Variants in CDH13 observed in about 807,000 individuals in gnomAD.
The protein encoded by CDH13 is cadherin-13.
CDH13 carries 24 observed loss-of-function variants against 63.8 expected under a neutral mutation model. That is an observed-to-expected ratio of 0.38 (90% CI 0.27 to 0.53). The LOEUF (loss-of-function observed/expected upper bound fraction) is 0.53. Among genes scored for constraint, CDH13 ranks in the 20% least tolerant of loss-of-function variants. CDH13 has a pLI of 0.85. For synonymous variants in CDH13, 503 were observed against 355.3 expected (o/e 1.42, Z -4.67); for missense variants, 1,049 against 903.1 (o/e 1.16, Z -2.07).
intron 5 of CDH13, among the ~76,000 whole-genome samples, chr16:83,249,935 T>G (rs1045941596): frequency 7.9e-5 from 12 of 152,212 alleles, no homozygotes; most frequent in African/African-American, 2.9e-4. Flanking sequence ...TTAAATTCTT[T>G]CTACAAATGT....
rs532615053 is a variant in CDH13 at position 83,210,690 on chromosome 16, C to G, written c.484-6655C>G. Among the ~76,000 whole-genome samples the G allele has an allele frequency of 2.0e-5, 3 of 151,956 alleles. No individual in the cohort carries two copies. The South Asian group carries it at 6.2e-4, about 32-fold the overall frequency. ...TGCAGAACTTGGCAACTCTGTCATT[C>G]TGATACTTCAAATTCATTTTCTATA... On this transcript the variant is annotated intron_variant, in intron 4 of 13. Coordinates refer to ENST00000567109, the MANE Select transcript of CDH13 (RefSeq NM_001257.5).
chr16:83,215,058 G>A (rs561399447), intron 4 of CDH13, among the ~76,000 whole-genome samples: 1 of 115,384 alleles, frequency 8.7e-6, no homozygotes, highest in South Asian at 3.3e-4. Flanking sequence ...TTTCATCAGA[G>A]AGTATCAAAC....
chr16:83,742,219 G>C (rs1293548245), intron 10 of CDH13, among the ~76,000 whole-genome samples: 1 of 152,146 alleles, frequency 6.6e-6, no homozygotes, highest in Non-Finnish European at 1.5e-5. Context: ...TCCCTGCTCT[G>C]AGGGGGCCCT....
intron 6 of CDH13, chr16:83,397,532 A>C (rs974420096): frequency 6.6e-6 from 1 of 152,268 alleles, no homozygotes; most frequent in Non-Finnish European, 1.5e-5. Flanking sequence ...AGAAAGACGC[A>C]TTATTCACTG....
chr16:83,515,545 C>A (rs2074680649), intron 7 of CDH13, among the ~76,000 whole-genome samples: 1 of 152,158 alleles, frequency 6.6e-6, no homozygotes, highest in Non-Finnish European at 1.5e-5. Context: ...GAAAAAGATA[C>A]TGGTTTAGAT....
At chr16:83,102,911 C>CTTTTTTTTTCTTTTT (rs1211949695) in intron 3 of CDH13, among the ~76,000 whole-genome samples, 3 of 96,594 alleles carry the variant, frequency 3.1e-5, no homozygotes, top group Admixed American at 1.0e-4. Flanking sequence ...ATTAAACTTT[C>CTTTTTTTTTCTTTTT]TTTTTTTTTT....
At chr16:82,639,356 C>G in intron 1 of CDH13, 3 of 1,533,286 alleles carry the variant, frequency 2.0e-6, no homozygotes, top group Non-Finnish European at 2.6e-6. Context: ...TTGCTTTTGA[C>G]CAGGGCCAAA....
intron 6 of CDH13, among the ~76,000 whole-genome samples, chr16:83,403,907 G>C (rs2092005325): frequency 6.6e-6 from 1 of 152,116 alleles, no homozygotes. Flanking sequence ...GAAATGTTCG[G>C]GCATGACTAC....
At chr16:83,240,823 A>G (rs1404465455) in intron 5 of CDH13, among the ~76,000 whole-genome samples, 1 of 140,442 alleles carries the variant, frequency 7.1e-6, no homozygotes, top group Non-Finnish European at 1.5e-5. Context: ...CAGTCCCCCA[A>G]GAAGCTGGGC....
chr16:82,741,476 T>C (rs142813761), intron 1 of CDH13, among the ~76,000 whole-genome samples: 2 of 152,210 alleles, frequency 1.3e-5, no homozygotes, highest in African/African-American at 4.8e-5. Context: ...AAAGCACTTA[T>C]AATAATAGAC....
At chr16:83,171,072 A>C (rs2037894241) in intron 4 of CDH13, among the ~76,000 whole-genome samples, 1 of 152,066 alleles carries the variant, frequency 6.6e-6, no homozygotes, top group African/African-American at 2.4e-5. Context: ...GTAATTTATA[A>C]AGAGAAGAGG....
At chr16:83,181,934 A>C (rs2038361031) in intron 4 of CDH13, among the ~76,000 whole-genome samples, 1 of 152,040 alleles carries the variant, frequency 6.6e-6, no homozygotes, top group Admixed American at 6.6e-5. Flanking sequence ...GGGCACAGAG[A>C]CCCTGACTTA....
chr16:83,795,349 C>A lies in CDH13; in HGVS notation c.*319C>A. On this transcript the variant is annotated 3_prime_UTR_variant, in exon 14 of 14. Transcript: ENST00000567109. ...TGTTAACATGTCGCTAGCCAGTGCT[C>A]CAGGCACCCAGCTTTGTCTGTGGGT... 2.9e-6 allele frequency: 1 copy of A among 350,374 alleles called. No homozygotes were observed. The highest frequency in any genetic ancestry group is 5.3e-6 in the Non-Finnish European group (1 of 190,106). The allele number at this position is 350,374 out of a possible 1,614,324, so 21.7% of individuals were successfully genotyped here.
intron 4 of CDH13, among the ~76,000 whole-genome samples, chr16:83,196,111 C>T (rs1005736538): frequency 2.0e-5 from 3 of 152,176 alleles, no homozygotes; most frequent in Non-Finnish European, 4.4e-5. Flanking sequence ...CAAAAATTAG[C>T]CAGGCTTGGT....
rs143926916 is a variant in CDH13 at position 83,019,255 on chromosome 16, T to C, written c.158-12755T>C. On this transcript the variant is annotated intron_variant, in intron 2 of 13. Coordinates refer to ENST00000567109, the MANE Select transcript of CDH13 (RefSeq NM_001257.5). The stretch of plus-strand genomic sequence containing the variant: ...GACCTTTCTATTTTTAAATGTTTTC[T>C]CTTTTTCTTTTTCACTTGTTGAACT... Among the ~76,000 whole-genome samples the C allele has an allele frequency of 3.9e-4, 59 of 152,286 alleles. 1 individual carries two copies. In the East Asian group the frequency reaches 9.1e-3, roughly 23 times the overall value.
chr16:83,230,316 A>T (rs1275138838), intron 5 of CDH13, among the ~76,000 whole-genome samples: 1 of 152,136 alleles, frequency 6.6e-6, no homozygotes. Context: ...TATTTAGAAA[A>T]TGGATGTGTT....
chr16:83,477,445 G>T (rs568529952), intron 6 of CDH13, among the ~76,000 whole-genome samples: 33 of 152,242 alleles, frequency 2.2e-4, no homozygotes, highest in African/African-American at 7.9e-4. Context: ...AAAATTTAAG[G>T]CATTCTCATT....
At chr16:83,786,595 TTTA>T (rs1420610213) in intron 13 of CDH13, among the ~76,000 whole-genome samples, 2 of 151,624 alleles carry the variant, frequency 1.3e-5, no homozygotes, top group African/African-American at 2.4e-5. Context: ...TACTTATTTA[TTTA>T]TTTTTTTGAG....
intron 6 of CDH13, among the ~76,000 whole-genome samples, chr16:83,377,060 G>T (rs2091472826): frequency 1.3e-5 from 2 of 152,128 alleles, no homozygotes; most frequent in African/African-American, 2.4e-5. Flanking sequence ...AGCTATATCA[G>T]AATTAGACTC....
Sources: gnomAD v4.1 joint callset for allele counts (sites outside exome capture counted in the v4.1 genomes callset) on GRCh38, gnomAD v4.1.1 for gene constraint, MANE v1.5 for transcripts, NCBI Gene and HGNC (gene_info 2026-07-23, HGNC 2026-07-21) for gene names.